AP3B1: variants seen among roughly 807,000 people sequenced by gnomAD.
AP3B1 encodes AP-3 complex subunit beta-1.
A neutral mutation model predicts 132.5 loss-of-function variants in AP3B1; 61 were observed. That is an observed-to-expected ratio of 0.46 (90% confidence interval 0.37 to 0.57). The LOEUF (loss-of-function observed/expected upper bound fraction) is 0.57. Ranked by LOEUF, AP3B1 falls within the 20% of genes least tolerant of loss-of-function variation. AP3B1 has a pLI of 0.00. For missense variants in AP3B1, 1,120 were observed against 1,289.4 expected (o/e 0.87, Z 2.01); for synonymous variants, 388 against 438.3 (o/e 0.89, Z 1.43).
chr5:78,110,206 C>T lies in AP3B1; in HGVS notation c.2397+1G>A. 1 of 1,601,328 alleles carries T rather than the reference C, an allele frequency of 6.2e-7. No homozygotes were observed. Among genetic ancestry groups the T allele is most frequent in the Non-Finnish European group, 8.5e-7 (1 of 1,172,342 alleles). ...ATTACAACAAATGTATAATCTCTTACCTTAGTGACTCTTCTGGATTCAGAT... is the reference window on the plus strand; with the variant it reads ...ATTACAACAAATGTATAATCTCTTATCTTAGTGACTCTTCTGGATTCAGAT... On this transcript the variant is annotated splice_donor_variant, in intron 20 of 26. Coordinates refer to ENST00000255194, the MANE Select transcript of AP3B1 (RefSeq NM_003664.5). LOFTEE classifies it high-confidence loss of function.
At chr5:78,238,650 A>C (rs1746984580) in intron 3 of AP3B1, among the ~76,000 whole-genome samples, 2 of 152,164 alleles carry the variant, frequency 1.3e-5, no homozygotes, top group Admixed American at 6.5e-5. Flanking sequence ...ACAGTATTAT[A>C]ATCATATGGG....
intron 1 of AP3B1, among the ~76,000 whole-genome samples, chr5:78,268,564 A>G (rs1436219541): frequency 6.6e-6 from 1 of 152,136 alleles, no homozygotes; most frequent in Non-Finnish European, 1.5e-5. Flanking sequence ...GAGAGAAGTG[A>G]GCAATGAAGA....
intron 5 of AP3B1, among the ~76,000 whole-genome samples, chr5:78,226,717 T>G (rs1219520334): frequency 6.6e-6 from 1 of 151,744 alleles, no homozygotes; most frequent in Non-Finnish European, 1.5e-5. Flanking sequence ...CAGAAGAGAG[T>G]CTCAAAAAGC....
chr5:78,221,343 C>A (rs951973558), intron 6 of AP3B1, among the ~76,000 whole-genome samples: 2 of 151,828 alleles, frequency 1.3e-5, no homozygotes, highest in Non-Finnish European at 2.9e-5. Context: ...GCAAAAATTA[C>A]CGACAAAGAA....
At chr5:78,257,297 G>A (rs958631364) in intron 2 of AP3B1, among the ~76,000 whole-genome samples, 5 of 152,012 alleles carry the variant, frequency 3.3e-5, no homozygotes, top group Middle Eastern at 3.2e-3. Context: ...AAAACTATTA[G>A]AACTGATAAA....
chr5:78,255,127 A>T (rs554209693), intron 2 of AP3B1, among the ~76,000 whole-genome samples: 3 of 152,220 alleles, frequency 2.0e-5, no homozygotes, highest in African/African-American at 4.8e-5. Context: ...CAAAAAACTA[A>T]ATCATATTAC....
chr5:78,008,644 T>G (rs896830643), intron 26 of AP3B1, among the ~76,000 whole-genome samples: 2 of 152,146 alleles, frequency 1.3e-5, no homozygotes, highest in Non-Finnish European at 2.9e-5. Flanking sequence ...GACTCAAAAT[T>G]TGTCATATTG....
At chr5:78,218,011 AC>A (rs1228198983) in intron 6 of AP3B1, among the ~76,000 whole-genome samples, 1 of 152,132 alleles carries the variant, frequency 6.6e-6, no homozygotes, top group Non-Finnish European at 1.5e-5. Flanking sequence ...ATTCTAAAGT[AC>A]TAACACCTTC....
At chr5:78,181,744 T>G in intron 7 of AP3B1, 82 bp from the exon 8 acceptor site, 1 of 1,200,678 alleles carries the variant, frequency 8.3e-7, no homozygotes, top group East Asian at 2.3e-5. Context: ...AACTTTCCTT[T>G]AAACATCTAT....
chr5:78,051,612 T>C (rs1391943623), intron 22 of AP3B1, among the ~76,000 whole-genome samples: 1 of 152,190 alleles, frequency 6.6e-6, no homozygotes, highest in Non-Finnish European at 1.5e-5. Context: ...TAAAGCTTTA[T>C]GAAAACAATG....
chr5:78,249,908 T>C (rs1747558546), intron 2 of AP3B1, among the ~76,000 whole-genome samples: 1 of 152,160 alleles, frequency 6.6e-6, no homozygotes, highest in African/African-American at 2.4e-5. Context: ...ATGATCTGTC[T>C]TCAACTTCTG....
intron 2 of AP3B1, among the ~76,000 whole-genome samples, chr5:78,257,413 A>T (rs1747891595): frequency 6.6e-6 from 1 of 152,176 alleles, no homozygotes; most frequent in African/African-American, 2.4e-5. Flanking sequence ...AAGTAATCCC[A>T]TTTACACTAG....
At chr5:78,254,784 C>A (rs1364473774) in intron 2 of AP3B1, among the ~76,000 whole-genome samples, 1 of 151,992 alleles carries the variant, frequency 6.6e-6, no homozygotes, top group Non-Finnish European at 1.5e-5. Context: ...AGTAAGTACA[C>A]AGAAAAACAT....
chr5:78,284,299 G>T (rs977087439), intron 1 of AP3B1, among the ~76,000 whole-genome samples: 1 of 152,150 alleles, frequency 6.6e-6, no homozygotes, highest in African/African-American at 2.4e-5. Flanking sequence ...ACAGGTATGT[G>T]TGGAAAGTCC....
At chr5:78,141,797 T>C (rs1411344277) in intron 14 of AP3B1, among the ~76,000 whole-genome samples, 2 of 152,148 alleles carry the variant, frequency 1.3e-5, no homozygotes, top group Admixed American at 6.6e-5. Flanking sequence ...CCCACAAAAA[T>C]CATCCAGGGT....
At position 78,002,919 on chromosome 5, in the gene AP3B1, C is replaced by G; in HGVS notation, c.3268G>C (p.Val1090Leu). Residue 1090 changes from valine (V) to leucine (L), a missense_variant, in exon 27 of 27, where the codon GTC becomes CTC. Around this residue, in one of 3 missense-constraint regions of AP3B1, gnomAD observed 906 missense variants for 997.1 expected, o/e 0.91. Transcript: ENST00000255194. ...TAAGCAGGTTACCCCTGAGACAGGA[C>G]AGGCTTCAGTTCCCGCAGCAGAACA... The part of the protein sequence containing the change: ...GSVLLRELKP[V>L]LSQG 1 of 1,614,162 alleles carries G rather than the reference C, an allele frequency of 6.2e-7. No homozygotes were observed.
chr5:78,087,085 C>A (rs1580328230), intron 22 of AP3B1, among the ~76,000 whole-genome samples: 1 of 152,014 alleles, frequency 6.6e-6, no homozygotes, highest in African/African-American at 2.4e-5. Flanking sequence ...CATGGTCAAA[C>A]AGTTACATAT....
chr5:78,238,226 G>A (rs112330341), intron 3 of AP3B1, among the ~76,000 whole-genome samples: 31 of 152,188 alleles, frequency 2.0e-4, no homozygotes, highest in African/African-American at 5.3e-4. Context: ...TCTAGGCTGC[G>A]TGCTCCTTAT....
intron 2 of AP3B1, among the ~76,000 whole-genome samples, chr5:78,259,991 A>C (rs1748016314): frequency 6.6e-6 from 1 of 151,896 alleles, no homozygotes; most frequent in Non-Finnish European, 1.5e-5. Context: ...AAACAAAAAA[A>C]AATTAATAAT....
Sources: allele counts gnomAD v4.1 joint callset (sites outside exome capture counted in the v4.1 genomes callset), GRCh38; gene constraint gnomAD v4.1.1; regional missense constraint gnomAD v4.1.1; transcripts MANE v1.5; gene names NCBI Gene and HGNC (gene_info 2026-07-23, HGNC 2026-07-21).